CFAP61: variants seen among roughly 807,000 people sequenced by gnomAD.
CFAP61 encodes cilia and flagella associated protein 61.
In CFAP61, 107 loss-of-function variants were observed where a neutral mutation model predicts 135.6. That is an observed-to-expected ratio of 0.79 (90% CI 0.67 to 0.93). The LOEUF (loss-of-function observed/expected upper bound fraction) is 0.93, where lower values mean the gene tolerates loss of function less well. CFAP61 is among the 40% of genes least tolerant of loss of function. The pLI is 0.00. For missense variants in CFAP61, 1,507 were observed against 1,556.2 expected (o/e 0.97, Z 0.53); for synonymous variants, 575 against 578.5 (o/e 0.99, Z 0.09).
chr20:20,269,117 CTATATATATATA>C lies in CFAP61; in HGVS notation c.2503+6006_2503+6017del, dbSNP rs142189443. Among the ~76,000 whole-genome samples the C allele has an allele frequency of 3.3e-3, 348 of 104,548 alleles. 3 individuals are homozygous for C. The Middle Eastern group carries it at 0.035, about 10-fold the overall frequency. The allele number at this position is 104,548 out of a possible 152,430, so 68.6% of individuals were successfully genotyped here. ...CGCATTGTCTGGTTCTATTCGTGGG[CTATATATATATA>C]TATATATATATATATATACACACAC... On this transcript the variant is annotated intron_variant, in intron 21 of 26. Transcript: ENST00000245957.
rs1480775906 is a variant in CFAP61 at position 20,075,278 on chromosome 20, C to G, written c.439+22C>G. On this transcript the variant is annotated intron_variant, in intron 5 of 26. Transcript: ENST00000245957. Reference sequence around the variant, plus strand: ...CTAGGTAAGGCCCGCCCAACCACCTCTGGTCCCCGGTAGCAAACATTGAAA... The same window carrying G: ...CTAGGTAAGGCCCGCCCAACCACCTGTGGTCCCCGGTAGCAAACATTGAAA... 2.5e-6 allele frequency: 4 copies of G among 1,611,086 alleles called. No homozygotes were observed. In the African/African-American group the frequency reaches 5.3e-5, roughly 22 times the overall value.
chr20:20,323,815 A>G (rs1413293708), intron 25 of CFAP61, among the ~76,000 whole-genome samples: 1 of 152,220 alleles, frequency 6.6e-6, no homozygotes, highest in African/African-American at 2.4e-5. Flanking sequence ...GTGTCCTTTC[A>G]TATTTTTCTC....
chr20:20,231,756 C>G (rs75590288), intron 18 of CFAP61, among the ~76,000 whole-genome samples: 3,214 of 152,314 alleles, frequency 0.021, 111 homozygotes, highest in African/African-American at 0.072. Flanking sequence ...GGGTGGTGCT[C>G]TTGCATTGCA....
chr20:20,335,448 T>C (rs768532778), intron 25 of CFAP61, among the ~76,000 whole-genome samples: 2 of 152,220 alleles, frequency 1.3e-5, no homozygotes, highest in Admixed American at 6.5e-5. Flanking sequence ...CAGCCTCCCA[T>C]GCAACCAAGA....
intron 25 of CFAP61, among the ~76,000 whole-genome samples, chr20:20,308,972 G>A (rs966733873): frequency 3.3e-5 from 5 of 152,166 alleles, no homozygotes; most frequent in African/African-American, 9.7e-5. Flanking sequence ...AAGAAACAAC[G>A]GAGTTGTTTT....
At chr20:20,210,531 G>A (rs2047555970) in intron 17 of CFAP61, among the ~76,000 whole-genome samples, 1 of 152,210 alleles carries the variant, frequency 6.6e-6, no homozygotes, top group African/African-American at 2.4e-5. Flanking sequence ...GCAGCATCAG[G>A]AGGGGTCATG....
At chr20:20,209,062 C>A (rs1388266058) in intron 17 of CFAP61, among the ~76,000 whole-genome samples, 1 of 152,170 alleles carries the variant, frequency 6.6e-6, no homozygotes, top group Non-Finnish European at 1.5e-5. Context: ...AGTTAAAAGG[C>A]ATTTAATCGG....
chr20:20,169,493 C>A (rs758049640), intron 13 of CFAP61, 33 bp downstream of exon 13: 59 of 1,534,872 alleles, frequency 3.8e-5, no homozygotes, highest in Non-Finnish European at 4.9e-5. Flanking sequence ...ACACAACAAT[C>A]CATGAAATTA....
chr20:20,129,613 GA>G (rs577649474), intron 8 of CFAP61, among the ~76,000 whole-genome samples: 49 of 147,626 alleles, frequency 3.3e-4, no homozygotes, highest in Middle Eastern at 6.8e-3. Flanking sequence ...TCAAATTTTG[GA>G]AAGTTTTTTT....
intron 8 of CFAP61, among the ~76,000 whole-genome samples, chr20:20,132,611 C>T (rs2050625842): frequency 6.6e-6 from 1 of 151,980 alleles, no homozygotes; most frequent in South Asian, 2.1e-4. Flanking sequence ...AAATCTCCTG[C>T]TTTGATTATG....
At chr20:20,139,032 G>A (rs1385048540) in intron 8 of CFAP61, among the ~76,000 whole-genome samples, 1 of 151,844 alleles carries the variant, frequency 6.6e-6, no homozygotes, top group Admixed American at 6.6e-5. Context: ...CTCCATATTT[G>A]CTCTTTTAGA....
intron 6 of CFAP61, chr20:20,085,629 A>T (rs771350789): frequency 1.3e-4 from 87 of 689,706 alleles, no homozygotes; most frequent in Non-Finnish European, 1.8e-4. Flanking sequence ...CCTGATGTTT[A>T]TAGCTACAGA....
intron 13 of CFAP61, chr20:20,171,910 TA>T (rs2054251543): frequency 2.3e-5 from 13 of 568,084 alleles, no homozygotes; most frequent in Non-Finnish European, 4.1e-5. Flanking sequence ...CGGAGCACCG[TA>T]GCCACATTGC....
chr20:20,296,653 C>G (rs1371348699), intron 24 of CFAP61, among the ~76,000 whole-genome samples: 1 of 152,040 alleles, frequency 6.6e-6, no homozygotes, highest in Middle Eastern at 3.2e-3. Context: ...TGCAGATAGT[C>G]AAATAACTGT....
intron 18 of CFAP61, among the ~76,000 whole-genome samples, chr20:20,240,571 C>T (rs1432850694): frequency 6.6e-6 from 1 of 151,114 alleles, no homozygotes; most frequent in Non-Finnish European, 1.5e-5. Context: ...TGGAGTCCGC[C>T]ATCTTTTTTT....
chr20:20,278,927 G>T (rs143038182), intron 22 of CFAP61, among the ~76,000 whole-genome samples: 43 of 152,290 alleles, frequency 2.8e-4, no homozygotes, highest in African/African-American at 1.0e-3. Context: ...CAGTGAAAAA[G>T]ACAGGACAAG....
At chr20:20,201,394 C>G (rs532707561) in intron 17 of CFAP61, among the ~76,000 whole-genome samples, 2 of 152,332 alleles carry the variant, frequency 1.3e-5, no homozygotes, top group East Asian at 3.9e-4. Flanking sequence ...ACCACTTCCC[C>G]TTTCTCCTAT....
chr20:20,279,302 C>T (rs930516178), intron 22 of CFAP61, among the ~76,000 whole-genome samples: 3 of 152,148 alleles, frequency 2.0e-5, no homozygotes, highest in African/African-American at 7.2e-5. Flanking sequence ...GCTTTTGACT[C>T]TCCAAAAACT....
At chr20:20,061,630 C>T (rs1422984326) in intron 2 of CFAP61, among the ~76,000 whole-genome samples, 1 of 152,310 alleles carries the variant, frequency 6.6e-6, no homozygotes, top group African/African-American at 2.4e-5. Context: ...CAGCTTTAAA[C>T]TTATATGCTT....
Sources: gnomAD v4.1 joint callset for allele counts (sites outside exome capture counted in the v4.1 genomes callset) on GRCh38, gnomAD v4.1.1 for gene constraint, MANE v1.5 for transcripts, NCBI Gene and HGNC (gene_info 2026-07-23, HGNC 2026-07-21) for gene names.